The following ZNF487 variants were observed in gnomAD, a reference collection of about 807,000 sequenced individuals.
ZNF487 encodes the protein zinc finger protein 487.
A neutral mutation model predicts 3.0 loss-of-function variants in ZNF487; 4 were observed. The ratio of observed to expected loss-of-function variants is 1.35; its 90% confidence interval spans 0.66 to 3.08. The LOEUF is 3.08. ZNF487 is among the 30% of genes most tolerant of loss of function. ZNF487 has a pLI of 0.01. For synonymous variants in ZNF487, 55 were observed against 34.6 expected (o/e 1.59, Z -2.06); for missense variants, 146 against 98.7 (o/e 1.48, Z -2.03).
In ZNF487 at chr10:43,463,539, A is replaced by G. The variant is rs139638296; in HGVS notation, c.-93-12182A>G. Among the ~76,000 whole-genome samples the G allele has an allele frequency of 4.5e-3, 657 of 145,352 alleles. 3 individuals carry two copies. The highest frequency in any genetic ancestry group is 0.016 in the African/African-American group (622 of 38,822). ...GGTTTCAGAGTGAAACACTGTCTCG[A>G]AAAAAAAAAAAAATTTTTTTTTTTT... On this transcript the variant is annotated intron_variant, in intron 1 of 3. Transcript: ENST00000437590.
chr10:43,455,398 T>C (rs967726444), intron 1 of ZNF487, among the ~76,000 whole-genome samples: 1 of 152,236 alleles, frequency 6.6e-6, no homozygotes, highest in East Asian at 1.9e-4. Context: ...ATTGGCATCG[T>C]GACTACCAAC....
At chr10:43,504,293 C>CTTTTTTTTTTT in the ZNF487 span, among the ~76,000 whole-genome samples, 18 of 108,986 alleles carry the variant, frequency 1.7e-4, no homozygotes, top group South Asian at 2.9e-4. Context: ...TTCTTTCTTT[C>CTTTTTTTTTTT]TTTTTTTTTT....
the ZNF487 span, among the ~76,000 whole-genome samples, chr10:43,515,295 CGGGTGTTGG>C: frequency 6.6e-6 from 1 of 152,112 alleles, no homozygotes; most frequent in Non-Finnish European, 1.5e-5. Flanking sequence ...TAGAAGCAAA[CGGGTGTTGG>C]GGGTGGCTCC....
intron 1 of ZNF487, among the ~76,000 whole-genome samples, chr10:43,456,701 C>T (rs1260466619): frequency 6.6e-6 from 1 of 152,144 alleles, no homozygotes; most frequent in Admixed American, 6.5e-5. Context: ...CTGCCTCAGC[C>T]TCCAGAGTAG....
At chr10:43,515,699 T>C in the ZNF487 span, among the ~76,000 whole-genome samples, 1 of 152,208 alleles carries the variant, frequency 6.6e-6, no homozygotes, top group Non-Finnish European at 1.5e-5. Flanking sequence ...CTACAGGAGA[T>C]AAGACTCACT....
chr10:43,471,990 T>G (rs1273427375), intron 1 of ZNF487, among the ~76,000 whole-genome samples: 1 of 152,214 alleles, frequency 6.6e-6, no homozygotes, highest in Non-Finnish European at 1.5e-5. Flanking sequence ...ATTTAACTTG[T>G]ATCTTGGCTT....
At chr10:43,461,152 G>A (rs1159208838) in intron 1 of ZNF487, among the ~76,000 whole-genome samples, 2 of 151,866 alleles carry the variant, frequency 1.3e-5, no homozygotes, top group Non-Finnish European at 2.9e-5. Flanking sequence ...GATTATAGGC[G>A]TTAGCCACCA....
At chr10:43,438,158 G>C (rs985475430) in intron 1 of ZNF487, among the ~76,000 whole-genome samples, 1 of 151,872 alleles carries the variant, frequency 6.6e-6, no homozygotes, top group African/African-American at 2.4e-5. Flanking sequence ...GCAGATTAGG[G>C]GTGAGTGCAG....
chr10:43,475,972 T>A (rs1348740750), intron 2 of ZNF487, 125 bp downstream of exon 2: 3 of 650,592 alleles, frequency 4.6e-6, no homozygotes, highest in Non-Finnish European at 8.5e-6. Context: ...GCTTGATTGA[T>A]CCCTTCTGGG....
chr10:43,451,305 G>T (rs1408634329), intron 1 of ZNF487, among the ~76,000 whole-genome samples: 4 of 151,808 alleles, frequency 2.6e-5, no homozygotes, highest in East Asian at 3.9e-4. Context: ...GAGTGCAATG[G>T]TGCGATCTCA....
intron 1 of ZNF487, among the ~76,000 whole-genome samples, chr10:43,462,972 T>C (rs1401982726): frequency 6.6e-6 from 1 of 151,836 alleles, no homozygotes; most frequent in Non-Finnish European, 1.5e-5. Context: ...CGGTGGCTCA[T>C]GTCTGTAATC....
chr10:43,486,880 T>G, downstream of ZNF487, among the ~76,000 whole-genome samples: 1 of 152,186 alleles, frequency 6.6e-6, no homozygotes, highest in East Asian at 1.9e-4. Context: ...ATTTTACTCT[T>G]CAAGGAAAAA....
chr10:43,518,020 C>T, the ZNF487 span, among the ~76,000 whole-genome samples: 1 of 152,146 alleles, frequency 6.6e-6, no homozygotes, highest in African/African-American at 2.4e-5. Flanking sequence ...ACTGGATGTC[C>T]TAAACCTGGC....
the ZNF487 span, among the ~76,000 whole-genome samples, chr10:43,521,585 T>A: frequency 1.3e-5 from 2 of 152,164 alleles, no homozygotes; most frequent in African/African-American, 4.8e-5. Flanking sequence ...GTGTGCTGGG[T>A]GACTGAAGTT....
At chr10:43,454,087 C>G (rs956762371) in intron 1 of ZNF487, 2 of 151,868 alleles carry the variant, frequency 1.3e-5, no homozygotes, top group Non-Finnish European at 2.9e-5. Flanking sequence ...GCTCTGTCGC[C>G]CAGGCTGAAG....
chr10:43,515,727 A>T, the ZNF487 span, among the ~76,000 whole-genome samples: 154 of 152,296 alleles, frequency 1.0e-3, no homozygotes, highest in African/African-American at 3.6e-3. Context: ...ATCTTAGCAG[A>T]TTTGAATCTC....
intron 1 of ZNF487, among the ~76,000 whole-genome samples, chr10:43,462,943 A>T (rs1840485919): frequency 6.7e-6 from 1 of 150,344 alleles, no homozygotes; most frequent in Admixed American, 6.7e-5. Flanking sequence ...CTAATTAAAA[A>T]ATTTTTTTTG....
At chr10:43,477,911 T>C (rs1355092821) in intron 3 of ZNF487, among the ~76,000 whole-genome samples, 1 of 151,416 alleles carries the variant, frequency 6.6e-6, no homozygotes, top group Admixed American at 6.6e-5. Context: ...GATCGCACTA[T>C]TGTACTTCAG....
chr10:43,499,048 A>G, the ZNF487 span, among the ~76,000 whole-genome samples: 1 of 152,150 alleles, frequency 6.6e-6, no homozygotes, highest in African/African-American at 2.4e-5. Flanking sequence ...AAAATAGCAC[A>G]TAGGTCAGTT....
Sources: allele counts gnomAD v4.1 joint callset (sites outside exome capture counted in the v4.1 genomes callset), GRCh38; gene constraint gnomAD v4.1.1; transcripts MANE v1.5; gene names NCBI Gene and HGNC (gene_info 2026-07-23, HGNC 2026-07-21).